The following GRIK1 variants were observed in gnomAD, a reference collection of about 807,000 sequenced individuals.
GRIK1 encodes glutamate ionotropic receptor kainate type subunit 1.
Under a neutral mutation model 105.7 loss-of-function variants are expected in GRIK1, and 69 were observed. The ratio of observed to expected loss-of-function variants is 0.65; its 90% CI spans 0.54 to 0.80. GRIK1 has a LOEUF of 0.80. Among genes scored for constraint, GRIK1 ranks in the 30% least tolerant of loss-of-function variants. The probability of loss-of-function intolerance (pLI) is 0.00; values close to 1 mark genes in which losing one functional copy is unlikely to be tolerated. For missense variants in GRIK1, 1,109 were observed against 1,167.3 expected, an observed-to-expected ratio of 0.95 and a Z score of 0.73; for synonymous variants, 438 against 431.3, an observed-to-expected ratio of 1.02 and a Z score of -0.19.
At chr21:29,830,076 C>T (rs531269868) in intron 1 of GRIK1, among the ~76,000 whole-genome samples, 1 of 152,218 alleles carries the variant, frequency 6.6e-6, no homozygotes, top group East Asian at 1.9e-4. Flanking sequence ...ACCATATGTT[C>T]TAAAATAGGG....
chr21:29,887,744 G>A (rs1243727962), intron 1 of GRIK1, among the ~76,000 whole-genome samples: 1 of 151,936 alleles, frequency 6.6e-6, no homozygotes, highest in Non-Finnish European at 1.5e-5. Flanking sequence ...CCTTAGGCTT[G>A]TTATCTCATG....
chr21:29,585,116 G>A (rs552786641), intron 12 of GRIK1, among the ~76,000 whole-genome samples: 2 of 152,052 alleles, frequency 1.3e-5, no homozygotes, highest in Admixed American at 6.6e-5. Flanking sequence ...GAAGGCAGTG[G>A]AAGAGGAGAC....
intron 1 of GRIK1, among the ~76,000 whole-genome samples, chr21:29,824,993 G>C (rs1320444565): frequency 6.6e-6 from 1 of 151,940 alleles, no homozygotes; most frequent in Non-Finnish European, 1.5e-5. Context: ...AAGGCAACTA[G>C]AAATTAATAT....
chr21:29,717,907 T>A (rs112374222), intron 1 of GRIK1, among the ~76,000 whole-genome samples: 6,559 of 152,248 alleles, frequency 0.043, 205 homozygotes, highest in Non-Finnish European at 0.066. Flanking sequence ...ATAATTACCT[T>A]GTATTGTGGG....
intron 7 of GRIK1, among the ~76,000 whole-genome samples, chr21:29,603,927 A>C (rs1486720087): frequency 6.6e-6 from 1 of 152,132 alleles, no homozygotes; most frequent in Non-Finnish European, 1.5e-5. Context: ...GATTTTCAGA[A>C]AGGTTTTTTC....
At chr21:29,692,220 A>G (rs1455644687) in intron 2 of GRIK1, among the ~76,000 whole-genome samples, 1 of 152,214 alleles carries the variant, frequency 6.6e-6, no homozygotes, top group Non-Finnish European at 1.5e-5. Flanking sequence ...GGTACTTCAG[A>G]CCACAGGAAA....
At chr21:29,783,914 GC>G (rs1272412484) in intron 1 of GRIK1, among the ~76,000 whole-genome samples, 1 of 152,082 alleles carries the variant, frequency 6.6e-6, no homozygotes, top group Non-Finnish European at 1.5e-5. Flanking sequence ...AACAAACTGA[GC>G]CCCGACTGTT....
At chr21:29,673,644 G>T (rs893021019) in intron 3 of GRIK1, among the ~76,000 whole-genome samples, 1 of 151,822 alleles carries the variant, frequency 6.6e-6, no homozygotes, top group Non-Finnish European at 1.5e-5. Context: ...TAATTAATTG[G>T]GTTGCTTTAT....
intron 5 of GRIK1, among the ~76,000 whole-genome samples, chr21:29,653,560 G>A (rs922400019): frequency 1.3e-5 from 2 of 152,214 alleles, no homozygotes; most frequent in Non-Finnish European, 2.9e-5. Context: ...CACAGCTGGA[G>A]GAGGTAGAAA....
chr21:29,641,670 G>A (rs2062513441), intron 7 of GRIK1, among the ~76,000 whole-genome samples: 1 of 152,170 alleles, frequency 6.6e-6, no homozygotes, highest in Admixed American at 6.5e-5. Flanking sequence ...TCTTGTGCAA[G>A]TATAGAATAC....
At chr21:29,814,241 G>A (rs1002297620) in intron 1 of GRIK1, among the ~76,000 whole-genome samples, 12 of 151,446 alleles carry the variant, frequency 7.9e-5, no homozygotes, top group South Asian at 6.2e-4. Context: ...GTGAGTCACC[G>A]TGCCCAGCTC....
chr21:29,647,142 C>T (rs1027629652), intron 6 of GRIK1, among the ~76,000 whole-genome samples: 10 of 152,166 alleles, frequency 6.6e-5, no homozygotes, highest in Admixed American at 2.0e-4. Flanking sequence ...CCGTGCCCAG[C>T]CTCTTGTTCT....
intron 3 of GRIK1, among the ~76,000 whole-genome samples, chr21:29,679,301 C>A (rs726001): frequency 0.013 from 2,022 of 152,268 alleles, 82 homozygotes; most frequent in East Asian, 0.094. Flanking sequence ...TCACTGCAGG[C>A]TGCATTTTAG....
intron 1 of GRIK1, among the ~76,000 whole-genome samples, chr21:29,756,761 AT>A: frequency 6.6e-6 from 1 of 152,328 alleles, no homozygotes; most frequent in South Asian, 2.1e-4. Flanking sequence ...GTTTAAAAAA[AT>A]AAAAAAAATA....
chr21:29,542,004 T>C (rs2089980141), intron 16 of GRIK1, among the ~76,000 whole-genome samples: 1 of 150,518 alleles, frequency 6.6e-6, no homozygotes, highest in South Asian at 2.1e-4. Context: ...ATTTATGCTG[T>C]TTCTGACATT....
intron 1 of GRIK1, among the ~76,000 whole-genome samples, chr21:29,815,187 A>C (rs530377101): frequency 6.6e-6 from 1 of 152,272 alleles, no homozygotes; most frequent in South Asian, 2.1e-4. Context: ...AGAGTACATA[A>C]GATTATTTTG....
At chr21:29,720,420 C>T (rs529191187) in intron 1 of GRIK1, among the ~76,000 whole-genome samples, 3 of 152,250 alleles carry the variant, frequency 2.0e-5, no homozygotes, top group African/African-American at 7.2e-5. Flanking sequence ...GGTATAGCCC[C>T]TCTCTACCAG....
In GRIK1 at chr21:29,560,547, T is replaced by C. The variant is rs1422167380; in HGVS notation, c.2356+1077A>G. On this transcript the variant is annotated intron_variant, in intron 15 of 17. Coordinates refer to ENST00000327783, the MANE Select transcript of GRIK1 (RefSeq NM_001330994.2). ...TTCTTTCTTTCTTTCTTTCTTTCTT[T>C]CTTTCTTTCTTTCTTTCTTTCTTTC... Among the ~76,000 whole-genome samples the C allele has an allele frequency of 7.6e-5, 9 of 118,558 alleles. 1 individual carries two copies. The highest frequency in any genetic ancestry group is 2.5e-4 in the African/African-American group (7 of 27,664). The allele number at this position is 118,558 out of a possible 152,430, so 77.8% of individuals were successfully genotyped here.
intron 1 of GRIK1, among the ~76,000 whole-genome samples, chr21:29,738,812 C>T (rs1229524654): frequency 1.3e-5 from 2 of 151,948 alleles, no homozygotes; most frequent in Non-Finnish European, 2.9e-5. Context: ...CTTTTAGAAA[C>T]AAAAACCACT....
Sources: allele counts gnomAD v4.1 joint callset (sites outside exome capture counted in the v4.1 genomes callset), GRCh38; gene constraint gnomAD v4.1.1; transcripts MANE v1.5; gene names NCBI Gene and HGNC (gene_info 2026-07-23, HGNC 2026-07-21).